MN1: variants seen among roughly 807,000 people sequenced by gnomAD.
MN1 encodes transcriptional activator MN1.
In MN1, 19 loss-of-function variants were observed where a neutral mutation model predicts 86.9. The observed-to-expected ratio is 0.22, with a 90% CI of 0.15 to 0.32. MN1 has a LOEUF of 0.32. Among genes scored for constraint, MN1 ranks in the 10% least tolerant of loss-of-function variants. MN1 has a pLI of 1.00. For missense variants in MN1, 1,841 were observed against 1,862.0 expected, an observed-to-expected ratio of 0.99 and a Z score of 0.21; for synonymous variants, 928 against 849.6, an observed-to-expected ratio of 1.09 and a Z score of -1.60.
chr22:27,750,725 C>A lies in MN1; in HGVS notation c.*190G>T. On this transcript the variant is annotated 3_prime_UTR_variant, in exon 2 of 2. Coordinates refer to ENST00000302326, the MANE Select transcript of MN1 (RefSeq NM_002430.3). ...TTTTAAAAAAACTTTTGAGGTTCCC[C>A]CCCTTTAAATTAACCCTTTCCGGTC... The A allele has an allele frequency of 2.2e-6, 1 of 448,318 alleles. No homozygotes were observed. Among genetic ancestry groups the A allele is most frequent in the Non-Finnish European group, 3.9e-6 (1 of 258,734 alleles). The allele number at this position is 448,318 out of a possible 1,614,324, so 27.8% of individuals were successfully genotyped here. A position where few individuals can be genotyped will look rare whatever the true frequency, so the allele number is the denominator to read the frequency against.
chr22:27,795,903 G>A lies in MN1; in HGVS notation c.3781+860C>T, dbSNP rs752445880. Among the ~76,000 whole-genome samples, 14 of 152,260 alleles carry A rather than the reference G, an allele frequency of 9.2e-5. 1 individual carries two copies. Among genetic ancestry groups the A allele is most frequent in the African/African-American group, 3.1e-4 (13 of 41,548 alleles). ...CCTTAAAGGCCTCCAGGCCTGGTGG[G>A]GAGGGGGTGCTTAGAATGCAAACGA... On this transcript the variant is annotated intron_variant, in intron 1 of 1. Transcript: ENST00000302326.
At chr22:27,768,410 ACTC>A (rs2146300065) in intron 1 of MN1, among the ~76,000 whole-genome samples, 1 of 152,204 alleles carries the variant, frequency 6.6e-6, no homozygotes, top group African/African-American at 2.4e-5. Context: ...CCTGAGCAAA[ACTC>A]CTGCAGAGGT....
intron 1 of MN1, among the ~76,000 whole-genome samples, chr22:27,781,692 T>G (rs1477311340): frequency 6.6e-6 from 1 of 152,098 alleles, no homozygotes; most frequent in East Asian, 1.9e-4. Context: ...TCCCAAGAAT[T>G]ATACCTATGT....
Position 27,799,324 on chromosome 22 carries a change from A to T in MN1, c.1220T>A (p.Phe407Tyr), listed in dbSNP as rs745668238. The change falls in exon 1 of 2, where the codon TTC (phenylalanine) becomes TAC (tyrosine). Residue 407 changes from phenylalanine to tyrosine, a missense_variant. Transcript: ENST00000302326. Reference sequence around the variant, plus strand: ...CTCCAGCCGGTGGATGGGATACTCGAATTGCGCGTGCTGGCTGGGCAGCAT... The same window carrying T: ...CTCCAGCCGGTGGATGGGATACTCGTATTGCGCGTGCTGGCTGGGCAGCAT... ...GPMLPSQHAQ[F>Y]EYPIHRLENR... 4 of 1,593,516 alleles carry T rather than the reference A, an allele frequency of 2.5e-6. No homozygotes were observed. In the East Asian group the frequency reaches 9.0e-5, roughly 36 times the overall value.
intron 1 of MN1, among the ~76,000 whole-genome samples, chr22:27,767,473 G>T (rs1316718676): frequency 6.6e-6 from 1 of 152,122 alleles, no homozygotes; most frequent in Non-Finnish European, 1.5e-5. Flanking sequence ...GTTTATTTTA[G>T]ACCCTACTGG....
chr22:27,754,239 C>T (rs1932787912), intron 1 of MN1, among the ~76,000 whole-genome samples: 1 of 152,214 alleles, frequency 6.6e-6, no homozygotes, highest in African/African-American at 2.4e-5. Flanking sequence ...CTTTCATCCC[C>T]AAGTTACAGC....
At chr22:27,762,278 G>C (rs553665979) in intron 1 of MN1, among the ~76,000 whole-genome samples, 25 of 152,324 alleles carry the variant, frequency 1.6e-4, no homozygotes, top group African/African-American at 6.0e-4. Flanking sequence ...CAAAAGCACA[G>C]CCCGTCGGTT....
At position 27,798,621 on chromosome 22, in the gene MN1, G is replaced by T; in HGVS notation, c.1923C>A (p.Asp641Glu). The change falls in exon 1 of 2, where the codon GAC (aspartate) becomes GAA (glutamate). Residue 641 changes from aspartate to glutamate, a missense_variant. Physicochemically the swap from Asp to Glu is conservative, Grantham distance 45. Transcript: ENST00000302326. ...AGCCGCCCATCCTACGGGGCAGCAG[G>T]TCTCCGGGCGGCGGATGCGGACCTG... ...WFSGPHPPPGDLLPRRMGGSG... is the reference protein window; with the variant it reads ...WFSGPHPPPGELLPRRMGGSG... 1 of 1,562,174 alleles carries T rather than the reference G, an allele frequency of 6.4e-7. No individual in the cohort carries two copies. The highest frequency in any genetic ancestry group is 1.2e-5 in the South Asian group (1 of 85,844).
intron 1 of MN1, among the ~76,000 whole-genome samples, chr22:27,794,265 T>A (rs1370299688): frequency 6.6e-6 from 1 of 152,198 alleles, no homozygotes; most frequent in African/African-American, 2.4e-5. Flanking sequence ...AGTTTAATCA[T>A]CCTTATTTAC....
intron 1 of MN1, among the ~76,000 whole-genome samples, chr22:27,753,068 T>G (rs1932779725): frequency 6.6e-6 from 1 of 152,210 alleles, no homozygotes; most frequent in Non-Finnish European, 1.5e-5. Flanking sequence ...GCCCCCACCC[T>G]GGAGCCCCAG....
chr22:27,797,573 C>A lies in MN1; in HGVS notation c.2971G>T (p.Ala991Ser), dbSNP rs757223133. The change falls in exon 1 of 2, where the codon GCA becomes TCA. Residue 991 changes from alanine to serine, a missense_variant. Transcript: ENST00000302326. ...GTCGGTGCCCCGCGCGTCTCGCCTG[C>A]GGAGCTTCCCCCGACGGCTGCGCCT... The part of the protein sequence containing the change: ...ASGAAVGGSS[A>S]GETRGAPTPH... 1.2e-6 allele frequency: 2 copies of A among 1,603,950 alleles called. No homozygotes were observed. The highest frequency in any genetic ancestry group is 1.7e-5 in the Admixed American group (1 of 59,230).
Position 27,799,284 on chromosome 22 carries a change from G to A in MN1, c.1260C>T (p.His420=), listed in dbSNP as rs761204148. 4.4e-6 allele frequency: 7 copies of A among 1,587,086 alleles called. No individual in the cohort carries two copies. Among genetic ancestry groups the A allele is most frequent in the Admixed American group, 3.5e-5 (2 of 57,560 alleles). The part of the protein sequence containing the change: ...PIHRLENRSM[H]PYSEPVFSMQ... ...TGCTGAAAACAGGCTCGGAATAAGG[G>A]TGCATGCTCCGGTTCTCCAGCCGGT... is the stretch of plus-strand genomic sequence containing the variant. Residue 420 remains histidine, a synonymous_variant, in exon 1 of 2, where the codon CAC becomes CAT. Coordinates refer to ENST00000302326, the MANE Select transcript of MN1 (RefSeq NM_002430.3).
intron 1 of MN1, among the ~76,000 whole-genome samples, chr22:27,791,269 G>A (rs1338089321): frequency 6.6e-6 from 1 of 151,998 alleles, no homozygotes; most frequent in Non-Finnish European, 1.5e-5. Context: ...TGTGTGAGAA[G>A]GCGAGGAGGC....
In MN1 at chr22:27,798,380, G is replaced by T. The variant is rs1389908678; in HGVS notation, c.2164C>A (p.Pro722Thr). 7 of 1,503,750 alleles carry T rather than the reference G, an allele frequency of 4.7e-6. No homozygotes were observed. The highest frequency in any genetic ancestry group is 1.4e-5 in the African/African-American group (1 of 69,886). The allele number at this position is 1,503,750 out of a possible 1,614,324, so 93.2% of individuals were successfully genotyped here. Reference protein sequence around the residue: ...LQSPGAGVGLPSAASERRPPP... With the variant: ...LQSPGAGVGLTSAASERRPPP... ...GGCCGGCGCTCCGAAGCAGCGCTGGGGAGCCCCACGCCCGCCCCGGGCGAC... is the reference window on the plus strand; with the variant it reads ...GGCCGGCGCTCCGAAGCAGCGCTGGTGAGCCCCACGCCCGCCCCGGGCGAC... The change falls in exon 1 of 2, where the codon CCC becomes ACC. Residue 722 changes from proline to threonine, a missense_variant. Physicochemically the swap from Pro to Thr is conservative, Grantham distance 38. Coordinates refer to ENST00000302326, the MANE Select transcript of MN1 (RefSeq NM_002430.3).
intron 1 of MN1, among the ~76,000 whole-genome samples, chr22:27,763,683 T>C (rs1159378362): frequency 6.6e-6 from 1 of 152,204 alleles, no homozygotes; most frequent in Non-Finnish European, 1.5e-5. Flanking sequence ...AACGTGGCAA[T>C]GAGCTGATCA....
In MN1 at chr22:27,801,414, A is replaced by C. The variant is rs540203491; in HGVS notation, c.-871T>G. 3 of 210,850 alleles carry C rather than the reference A, an allele frequency of 1.4e-5. No homozygotes were observed. The highest frequency in any genetic ancestry group is 2.3e-5 in the African/African-American group (1 of 43,814). The allele number at this position is 210,850 out of a possible 1,614,324, so 13.1% of individuals were successfully genotyped here. A position where few individuals can be genotyped will look rare whatever the true frequency, so the allele number is the denominator to read the frequency against. On this transcript the variant is annotated 5_prime_UTR_variant, in exon 1 of 2. Transcript: ENST00000302326. Reference sequence around the variant, plus strand: ...GCCGTTGGGTGTCTGAGTTCGCCGGAGTCTCCGCGCACCGTTGCAGGCGCG... The same window carrying C: ...GCCGTTGGGTGTCTGAGTTCGCCGGCGTCTCCGCGCACCGTTGCAGGCGCG...
chr22:27,793,605 GTTGA>G (rs1196260854), intron 1 of MN1, among the ~76,000 whole-genome samples: 7 of 152,234 alleles, frequency 4.6e-5, no homozygotes, highest in South Asian at 2.1e-4. Flanking sequence ...TGTTGGGTGG[GTTGA>G]TTAAGAAGTC....
rs1601318926 is a variant in MN1, at chr22:27,750,046, G to T, written c.*869C>A. On this transcript the variant is annotated 3_prime_UTR_variant, in exon 2 of 2. Coordinates refer to ENST00000302326, the MANE Select transcript of MN1 (RefSeq NM_002430.3). Reference sequence around the variant, plus strand: ...CAGACCAAAGGCTGCTTAGCACAGCGTGAAAATGCAGGGCCTGGGCATTTG... The same window carrying T: ...CAGACCAAAGGCTGCTTAGCACAGCTTGAAAATGCAGGGCCTGGGCATTTG... 4.3e-6 allele frequency: 1 copy of T among 232,032 alleles called. No homozygotes were observed. Among genetic ancestry groups the T allele is most frequent in the Non-Finnish European group, 8.5e-6 (1 of 117,354 alleles). 14.4% of individuals were successfully genotyped at this position (232,032 alleles called of 1,614,324 possible). A position where few individuals can be genotyped will look rare whatever the true frequency, so the allele number is the denominator to read the frequency against.
Position 27,757,252 on chromosome 22 carries a change from C to G in MN1, c.3782-6156G>C, listed in dbSNP as rs568354636. Among the ~76,000 whole-genome samples the G allele has an allele frequency of 8.5e-5, 13 of 152,212 alleles. No homozygotes were observed. In the South Asian group the frequency reaches 2.7e-3, roughly 32 times the overall value. On this transcript the variant is annotated intron_variant, in intron 1 of 1. Transcript: ENST00000302326. ...GTCTTGCTATGTTGCCCAGGCTGGT[C>G]TCAAACTCCTGGGCTCAAGTGATCT... is the stretch of plus-strand genomic sequence containing the variant.
Sources: allele counts gnomAD v4.1 joint callset (sites outside exome capture counted in the v4.1 genomes callset), GRCh38; gene constraint gnomAD v4.1.1; transcripts MANE v1.5; gene names NCBI Gene and HGNC (gene_info 2026-07-23, HGNC 2026-07-21).